The following SGK1 variants were observed in gnomAD, a reference collection of about 807,000 sequenced individuals.
SGK1 encodes the protein serum/glucocorticoid regulated kinase 1.
SGK1 carries 26 observed loss-of-function variants against 64.2 expected under a neutral mutation model. The ratio of observed to expected loss-of-function variants is 0.40; its 90% CI spans 0.30 to 0.56. SGK1 has a LOEUF of 0.56. Ranked by LOEUF, SGK1 falls within the 20% of genes least tolerant of loss-of-function variation. The pLI is 0.38. For synonymous variants in SGK1, 265 were observed against 239.7 expected (o/e 1.11, Z -0.98); for missense variants, 519 against 645.6 (o/e 0.80, Z 2.12).
intron 3 of SGK1, chr6:134,175,012 C>T (rs1023926759): frequency 2.3e-4 from 248 of 1,084,614 alleles, no homozygotes; most frequent in Non-Finnish European, 3.0e-4. Flanking sequence ...CTGCCTGCGG[C>T]GGGCGGTTCT....
chr6:134,308,246 A>G (rs1283058507), intron 1 of SGK1, among the ~76,000 whole-genome samples: 4 of 152,214 alleles, frequency 2.6e-5, no homozygotes, highest in Admixed American at 6.5e-5. Context: ...GAAAGATCAC[A>G]TTTCTGAGTA....
At chr6:134,174,673 C>A (rs1188004786) in intron 3 of SGK1, 87 bp from the exon 4 acceptor site, 2 of 1,612,448 alleles carry the variant, frequency 1.2e-6, no homozygotes, top group South Asian at 1.1e-5. Context: ...CCGGGACTTT[C>A]AAAAAATTTC....
intron 1 of SGK1, among the ~76,000 whole-genome samples, chr6:134,281,130 A>G (rs1777088046): frequency 6.6e-6 from 1 of 152,210 alleles, no homozygotes; most frequent in Non-Finnish European, 1.5e-5. Flanking sequence ...CATCTGCTCA[A>G]GCTTCCTGGA....
In SGK1 at chr6:134,217,743, A is replaced by G. The variant is rs111373858; in HGVS notation, c.286-10312T>C. 8.2e-3 allele frequency among the ~76,000 whole-genome samples: 1,251 copies of G among 152,294 alleles called. 15 individuals carry two copies. Among genetic ancestry groups the G allele is most frequent in the African/African-American group, 0.027 (1,112 of 41,548 alleles). ...CTTGATCTCTGCAAGCTAATGATTT[A>G]TCCTTCTTCAATTGCTTAACATTAA... On this transcript the variant is annotated intron_variant, in intron 2 of 13. Coordinates refer to ENST00000367858, the MANE Select transcript of SGK1 (RefSeq NM_001143676.3).
At chr6:134,224,378 G>A (rs1457191852) in intron 2 of SGK1, among the ~76,000 whole-genome samples, 8 of 152,148 alleles carry the variant, frequency 5.3e-5, no homozygotes, top group African/African-American at 1.9e-4. Context: ...TAGATTTAGT[G>A]AGTATTCAAC....
At chr6:134,172,523 G>T in intron 9 of SGK1, 139 bp downstream of exon 9, 1 of 771,288 alleles carries the variant, frequency 1.3e-6, no homozygotes, top group Non-Finnish European at 2.1e-6. Flanking sequence ...CTTAAGTCAA[G>T]CCAGCTCACG....
At chr6:134,238,815 G>A (rs1041768093) in intron 2 of SGK1, among the ~76,000 whole-genome samples, 2 of 152,062 alleles carry the variant, frequency 1.3e-5, no homozygotes, top group Non-Finnish European at 2.9e-5. Flanking sequence ...GAGTATAATC[G>A]GATTCAGAAC....
At chr6:134,260,475 C>A (rs1776750790) in intron 2 of SGK1, 1 of 149,384 alleles carries the variant, frequency 6.7e-6, no homozygotes, top group Non-Finnish European at 1.5e-5. Flanking sequence ...AGTTTGACAC[C>A]AGCCTGACCA....
At chr6:134,271,155 C>T (rs1776934824) in intron 1 of SGK1, among the ~76,000 whole-genome samples, 2 of 131,200 alleles carry the variant, frequency 1.5e-5, no homozygotes, top group Non-Finnish European at 3.6e-5. Context: ...TCCATCTCTA[C>T]TAAAAATACA....
At chr6:134,220,099 A>C (rs1776066309) in intron 2 of SGK1, among the ~76,000 whole-genome samples, 1 of 149,492 alleles carries the variant, frequency 6.7e-6, no homozygotes, top group Non-Finnish European at 1.5e-5. Context: ...AAAAGAAAAG[A>C]AAAGAAAAAC....
chr6:134,229,865 CT>C (rs927312586), intron 2 of SGK1, among the ~76,000 whole-genome samples: 9 of 151,066 alleles, frequency 6.0e-5, no homozygotes, highest in African/African-American at 2.2e-4. Flanking sequence ...AAGAAAACAT[CT>C]TTTTTTTTCC....
Position 134,172,327 on chromosome 6 carries a change from G to A in SGK1, c.948-11C>T. The A allele has an allele frequency of 6.2e-7, 1 of 1,607,180 alleles. No individual in the cohort carries two copies. Among genetic ancestry groups the A allele is most frequent in the African/African-American group, 1.3e-5 (1 of 74,700 alleles). On this transcript the variant is annotated splice_polypyrimidine_tract_variant and intron_variant, in intron 9 of 13. Transcript: ENST00000367858. The stretch of plus-strand genomic sequence containing the variant: ...TCTGGTTTTAAGTCTCTGTAAAAAA[G>A]TGAATAGAAAAGTAGTTGCACAAGT...
chr6:134,174,632 T>G (rs1437875654), intron 3 of SGK1, 46 bp from the exon 4 acceptor site: 1 of 1,605,998 alleles, frequency 6.2e-7, no homozygotes. Flanking sequence ...GACGGCTTCA[T>G]AACGTCCGGC....
chr6:134,208,057 G>A (rs1003117022), intron 2 of SGK1, among the ~76,000 whole-genome samples: 18 of 152,118 alleles, frequency 1.2e-4, no homozygotes, highest in African/African-American at 3.6e-4. Flanking sequence ...GATTATAGGC[G>A]TGTGCCACCA....
chr6:134,174,503 A>C lies in SGK1; in HGVS notation c.437+8T>G. ...ACTAGTTATTTCCTCAAATCCGGTC[A>C]AACTTACTGTTTGCATGCATAGGAG... On this transcript the variant is annotated splice_region_variant and intron_variant, in intron 4 of 13. Transcript: ENST00000367858. The C allele has an allele frequency of 6.2e-7, 1 of 1,607,124 alleles. No individual in the cohort carries two copies. Among genetic ancestry groups the C allele is most frequent in the Non-Finnish European group, 8.5e-7 (1 of 1,173,676 alleles).
At chr6:134,295,144 C>T (rs1035565352) in intron 1 of SGK1, among the ~76,000 whole-genome samples, 2 of 152,048 alleles carry the variant, frequency 1.3e-5, no homozygotes, top group Non-Finnish European at 2.9e-5. Context: ...TGTCTGGATG[C>T]TGGGTTAAGA....
chr6:134,300,813 A>C (rs1777442075), intron 1 of SGK1, among the ~76,000 whole-genome samples: 1 of 151,444 alleles, frequency 6.6e-6, no homozygotes, highest in South Asian at 2.1e-4. Flanking sequence ...TTGTATTTTT[A>C]GTAGAGAGGG....
intron 2 of SGK1, among the ~76,000 whole-genome samples, chr6:134,217,292 G>T (rs1176269861): frequency 6.6e-6 from 1 of 152,174 alleles, no homozygotes; most frequent in South Asian, 2.1e-4. Context: ...GATGGTCATA[G>T]AGGGTCAAAG....
At chr6:134,205,672 T>C (rs1427373097) in intron 3 of SGK1, among the ~76,000 whole-genome samples, 1 of 152,212 alleles carries the variant, frequency 6.6e-6, no homozygotes, top group Non-Finnish European at 1.5e-5. Context: ...TCAGCTAACC[T>C]ATTCAGCTTA....
Sources: gnomAD v4.1 joint callset for allele counts (sites outside exome capture counted in the v4.1 genomes callset) on GRCh38, gnomAD v4.1.1 for gene constraint, MANE v1.5 for transcripts, NCBI Gene and HGNC (gene_info 2026-07-23, HGNC 2026-07-21) for gene names.